The following MTUS1 variants were observed in gnomAD, a reference collection of about 807,000 sequenced individuals.
MTUS1 encodes the protein microtubule associated scaffold protein 1.
A neutral mutation model predicts 120.8 loss-of-function variants in MTUS1; 109 were observed. That is an observed-to-expected ratio of 0.90 (90% CI 0.77 to 1.06). MTUS1 has a LOEUF of 1.06. MTUS1 is among the 50% of genes least tolerant of loss of function. MTUS1 has a pLI of 0.00. For missense variants in MTUS1, 2,210 were observed against 1,486.3 expected (o/e 1.49, Z -8.01); for synonymous variants, 737 against 550.5 (o/e 1.34, Z -4.74).
In MTUS1 at chr8:17,765,232, C is replaced by A. The variant is rs964827102; in HGVS notation, c.-154-9271G>T. Among the ~76,000 whole-genome samples, 4 of 152,174 alleles carry A rather than the reference C, an allele frequency of 2.6e-5. No homozygotes were observed. In the East Asian group the frequency reaches 7.7e-4, roughly 29 times the overall value. On this transcript the variant is annotated intron_variant, in intron 1 of 14. Transcript: ENST00000693296. ...GATGGGGAGTGGCTGTGAACACAGA[C>A]GAAGCTTTGCCCCCTCGCCTGAAGC...
chr8:17,739,416 C>T (rs1487822736), intron 3 of MTUS1, among the ~76,000 whole-genome samples: 4 of 150,668 alleles, frequency 2.7e-5, no homozygotes, highest in African/African-American at 7.3e-5. Flanking sequence ...TTGCTTGAAC[C>T]AGGGAAGGGG....
At chr8:17,748,310 T>G (rs1308873503) in intron 2 of MTUS1, 2 of 152,210 alleles carry the variant, frequency 1.3e-5, no homozygotes, top group East Asian at 1.9e-4. Flanking sequence ...TGTCCCGTCT[T>G]CAGCTACCCT....
In MTUS1 at chr8:17,763,521, G is replaced by A. The variant is rs139732518; in HGVS notation, c.-154-7560C>T. Among the ~76,000 whole-genome samples the A allele has an allele frequency of 1.9e-3, 292 of 152,248 alleles. 1 individual carries two copies. The Middle Eastern group carries it at 0.02, about 11-fold the overall frequency. Reference sequence around the variant, plus strand: ...CATCCAGGAGAAGTGAAGTGACTTAGTGGATTTTTGTAAATTTAGTGAGAA... The same window carrying A: ...CATCCAGGAGAAGTGAAGTGACTTAATGGATTTTTGTAAATTTAGTGAGAA... On this transcript the variant is annotated intron_variant, in intron 1 of 14. Transcript: ENST00000693296.
At chr8:17,742,623 T>C (rs1311343443) in intron 3 of MTUS1, among the ~76,000 whole-genome samples, 2 of 152,096 alleles carry the variant, frequency 1.3e-5, no homozygotes, top group Non-Finnish European at 2.9e-5. Context: ...CACGCCTCTG[T>C]GGTCATGTCT....
At chr8:17,783,533 A>C (rs1227381585) in intron 1 of MTUS1, among the ~76,000 whole-genome samples, 1 of 152,056 alleles carries the variant, frequency 6.6e-6, no homozygotes, top group Non-Finnish European at 1.5e-5. Flanking sequence ...TTTTTTTTTA[A>C]ATAAAAAGAT....
Position 17,754,264 on chromosome 8 carries a change from A to T in MTUS1, c.1544T>A (p.Met515Lys), listed in dbSNP as rs1263563893. 1.2e-6 allele frequency: 2 copies of T among 1,614,178 alleles called. No individual in the cohort carries two copies. Among genetic ancestry groups the T allele is most frequent in the Admixed American group, 3.3e-5 (2 of 60,026 alleles). Residue 515 changes from methionine to lysine, a missense_variant, in exon 2 of 15, where the codon ATG (methionine) becomes AAG (lysine). Coordinates refer to ENST00000693296, the MANE Select transcript of MTUS1 (RefSeq NM_001363059.2). ...PNFKNVKAKV[M>K]SRAVLQPKDA... ...TTTGGGCTGCAACACTGCTCTAGACATAACTTTTGCTTTGACATTCTTGAA... is the reference window on the plus strand; with the variant it reads ...TTTGGGCTGCAACACTGCTCTAGACTTAACTTTTGCTTTGACATTCTTGAA...
chr8:17,721,213 ACATGACCAC>A (rs1199522778), intron 4 of MTUS1, among the ~76,000 whole-genome samples: 1 of 152,212 alleles, frequency 6.6e-6, no homozygotes, highest in African/African-American at 2.4e-5. Context: ...TTAATTCTTA[ACATGACCAC>A]CCATTATCAG....
intron 1 of MTUS1, among the ~76,000 whole-genome samples, 196 bp from the exon 2 acceptor site, chr8:17,756,157 T>G (rs574133439): frequency 1.3e-5 from 2 of 152,186 alleles, no homozygotes; most frequent in African/African-American, 4.8e-5. Flanking sequence ...TTTGAGGGAA[T>G]AGCAAATGGG....
intron 3 of MTUS1, among the ~76,000 whole-genome samples, chr8:17,741,803 C>T (rs1303371471): frequency 6.6e-6 from 1 of 152,174 alleles, no homozygotes; most frequent in Non-Finnish European, 1.5e-5. Context: ...ATTAGGTGAG[C>T]TCCAAATTGT....
In MTUS1 at chr8:17,691,814, G is replaced by A. The variant is rs79438560; in HGVS notation, c.2624-7272C>T. Among the ~76,000 whole-genome samples the A allele has an allele frequency of 2.8e-3, 427 of 152,170 alleles. 2 individuals carry two copies. The highest frequency in any genetic ancestry group is 9.8e-3 in the African/African-American group (406 of 41,508). On this transcript the variant is annotated intron_variant, in intron 6 of 14. Coordinates refer to ENST00000693296, the MANE Select transcript of MTUS1 (RefSeq NM_001363059.2). Reference sequence around the variant, plus strand: ...ACTTACTGTCACCTTAACAGTACATGAATAAATGCCCTCCTAATCCATAAC... The same window carrying A: ...ACTTACTGTCACCTTAACAGTACATAAATAAATGCCCTCCTAATCCATAAC...
chr8:17,651,943 G>C (rs1222492253), intron 12 of MTUS1, among the ~76,000 whole-genome samples: 3 of 152,152 alleles, frequency 2.0e-5, no homozygotes, highest in African/African-American at 7.2e-5. Context: ...GAATCTTCTA[G>C]AATAAATAGC....
At chr8:17,783,725 T>G (rs1298509442) in intron 1 of MTUS1, among the ~76,000 whole-genome samples, 1 of 152,094 alleles carries the variant, frequency 6.6e-6, no homozygotes, top group East Asian at 1.9e-4. Context: ...CAATCACTGG[T>G]ATCTGAAGCT....
intron 6 of MTUS1, chr8:17,705,584 G>C (rs968860949): frequency 6.7e-6 from 1 of 150,018 alleles, no homozygotes. Flanking sequence ...TTTAAGTATA[G>C]GGGGAAAGTT....
At chr8:17,704,746 A>G (rs1427439669) in intron 6 of MTUS1, among the ~76,000 whole-genome samples, 1 of 152,164 alleles carries the variant, frequency 6.6e-6, no homozygotes, top group Admixed American at 6.5e-5. Context: ...GGCTATTTGC[A>G]GTCCTCTGTC....
chr8:17,778,734 T>C (rs1563377984), intron 1 of MTUS1, among the ~76,000 whole-genome samples: 2 of 151,988 alleles, frequency 1.3e-5, no homozygotes, highest in Admixed American at 1.3e-4. Flanking sequence ...GTTTGGGCCC[T>C]GGAGGGGGAG....
rs1563547873 is a variant in MTUS1 at position 17,645,941 on chromosome 8, G to T, written c.3798C>A (p.Ser1266Arg). ...TGGGGAGGTGTCATCTGGGTGAAAT[G>T]CTGGGGCTAGGGAAGGAGCCCGAAT... ...PRNSGSFPSP[S>R]ISPR The change falls in exon 15 of 15, where the codon AGC (serine) becomes AGA (arginine). Residue 1266 changes from serine (S) to arginine (R), a missense_variant. Physicochemically the swap from Ser to Arg is moderately radical, Grantham distance 110. Transcript: ENST00000693296. 6.2e-7 allele frequency: 1 copy of T among 1,611,916 alleles called. No homozygotes were observed. The highest frequency in any genetic ancestry group is 1.7e-5 in the Admixed American group (1 of 59,906).
intron 1 of MTUS1, among the ~76,000 whole-genome samples, chr8:17,786,693 C>T (rs945934941): frequency 2.0e-5 from 3 of 152,116 alleles, no homozygotes; most frequent in Non-Finnish European, 4.4e-5. Context: ...AAGTGTCCCA[C>T]CTGCTTCCGT....
At chr8:17,787,939 G>T (rs932102808) in intron 1 of MTUS1, among the ~76,000 whole-genome samples, 1 of 152,182 alleles carries the variant, frequency 6.6e-6, no homozygotes, top group African/African-American at 2.4e-5. Context: ...GGCCAACATG[G>T]TGAAACCCCA....
chr8:17,746,428 A>C (rs964638311), intron 2 of MTUS1, among the ~76,000 whole-genome samples: 1 of 152,192 alleles, frequency 6.6e-6, no homozygotes, highest in Non-Finnish European at 1.5e-5. Flanking sequence ...AAGCAGTTTA[A>C]TGGGCTCAGA....
Sources: allele counts gnomAD v4.1 joint callset (sites outside exome capture counted in the v4.1 genomes callset), GRCh38; gene constraint gnomAD v4.1.1; transcripts MANE v1.5; gene names NCBI Gene and HGNC (gene_info 2026-07-23, HGNC 2026-07-21).